The following CHRDL1 variants were observed in gnomAD, a reference collection of about 807,000 sequenced individuals.
CHRDL1 encodes chordin-like protein 1.
CHRDL1 carries 19 observed loss-of-function variants against 40.9 expected under a neutral mutation model. That is an observed-to-expected ratio of 0.46 (90% CI 0.32 to 0.68). CHRDL1 has a LOEUF of 0.68. Among genes scored for constraint, CHRDL1 ranks in the 30% least tolerant of loss-of-function variants. The pLI is 0.03. For missense variants in CHRDL1, 329 were observed against 352.1 expected (o/e 0.93, Z 0.53); for synonymous variants, 136 against 123.4 (o/e 1.10, Z -0.68).
chrX:110,727,533 G>A (rs1435197835), intron 4 of CHRDL1, among the ~76,000 whole-genome samples: 1 of 111,610 alleles, frequency 9.0e-6, no homozygotes, highest in East Asian at 2.8e-4. Flanking sequence ...AAATTGACAA[G>A]AAACAGATTC....
In CHRDL1 at chrX:110,739,442, T is replaced by C. The variant is rs551721472; in HGVS notation, c.302-17912A>G. Among the ~76,000 whole-genome samples, 52 of 111,940 alleles carry C rather than the reference T, an allele frequency of 4.6e-4. 2 individuals are homozygous for C. The highest frequency in any genetic ancestry group is 1.5e-3 in the African/African-American group (46 of 30,824). On this transcript the variant is annotated intron_variant, in intron 4 of 11. Coordinates refer to ENST00000372042, the MANE Select transcript of CHRDL1 (RefSeq NM_001143981.2). The stretch of plus-strand genomic sequence containing the variant: ...AAACATGCCTTAGAAGACTGACCTA[T>C]AAAACGTCCTGCAAAACTCTCCTTG...
At chrX:110,744,481 A>G (rs1188265997) in intron 4 of CHRDL1, among the ~76,000 whole-genome samples, 1 of 111,217 alleles carries the variant, frequency 9.0e-6, no homozygotes, top group Non-Finnish European at 1.9e-5. Flanking sequence ...ATGTTGCTAT[A>G]CATGAGGACA....
chrX:110,727,041 G>A (rs979779454), intron 4 of CHRDL1, among the ~76,000 whole-genome samples: 3 of 111,644 alleles, frequency 2.7e-5, no homozygotes, highest in Admixed American at 1.9e-4. Context: ...TTCATTGGAG[G>A]GGAAGGCACA....
intron 2 of CHRDL1, among the ~76,000 whole-genome samples, chrX:110,788,498 A>G (rs1392110980): frequency 8.9e-6 from 1 of 112,071 alleles, no homozygotes; most frequent in African/African-American, 3.2e-5. Flanking sequence ...CCCCTGCAAG[A>G]TAAAAAACTT....
intron 4 of CHRDL1, among the ~76,000 whole-genome samples, chrX:110,744,598 T>A (rs964742313): frequency 9.0e-6 from 1 of 111,356 alleles, no homozygotes; most frequent in Non-Finnish European, 1.9e-5. Flanking sequence ...CCCAAATATA[T>A]ACAGTGTAAT....
chrX:110,756,001 G>C (rs1381180524), intron 4 of CHRDL1, among the ~76,000 whole-genome samples: 1 of 111,799 alleles, frequency 8.9e-6, no homozygotes, highest in Admixed American at 9.5e-5. Flanking sequence ...CAGCCACGGT[G>C]TTCAAAGTTC....
chrX:110,697,911 C>G (rs2070432699), intron 7 of CHRDL1, among the ~76,000 whole-genome samples: 2 of 103,707 alleles, frequency 1.9e-5, no homozygotes, highest in South Asian at 9.3e-4. Flanking sequence ...GGCACGAGGA[C>G]CAATTCATGA....
intron 4 of CHRDL1, among the ~76,000 whole-genome samples, chrX:110,742,543 A>G (rs1482832041): frequency 8.9e-6 from 1 of 112,730 alleles, no homozygotes; most frequent in Non-Finnish European, 1.9e-5. Flanking sequence ...TCCAGAGCCT[A>G]TTTTGTGCCT....
In CHRDL1 at chrX:110,690,940, T is replaced by C. The variant is rs1018215312; in HGVS notation, c.779-2137A>G. ...AGAGCAAGCATCTGGCTGGGTGTGG[T>C]GGCTCCTGCCTGTAATCCCAACACT... is the stretch of plus-strand genomic sequence containing the variant. On this transcript the variant is annotated intron_variant, in intron 8 of 11. Transcript: ENST00000372042. Among the ~76,000 whole-genome samples the C allele has an allele frequency of 3.3e-4, 37 of 111,224 alleles. No individual in the cohort carries two copies. The Admixed American group carries it at 3.5e-3, about 10-fold the overall frequency.
At chrX:110,785,171 A>C (rs945481822) in intron 2 of CHRDL1, among the ~76,000 whole-genome samples, 4 of 111,374 alleles carry the variant, frequency 3.6e-5, no homozygotes, top group Non-Finnish European at 7.5e-5. Context: ...TGAACTTCTC[A>C]CAATAGAATC....
chrX:110,688,183 A>G (rs2070065613), intron 9 of CHRDL1, among the ~76,000 whole-genome samples: 1 of 111,661 alleles, frequency 9.0e-6, no homozygotes, highest in African/African-American at 3.3e-5. Flanking sequence ...GGCTTGGATC[A>G]GAACCTGGTC....
At chrX:110,728,191 TG>T (rs775390615) in intron 4 of CHRDL1, among the ~76,000 whole-genome samples, 7 of 109,979 alleles carry the variant, frequency 6.4e-5, no homozygotes, top group Non-Finnish European at 1.1e-4. Flanking sequence ...CTAAAAGTTA[TG>T]GGGGGGAACT....
intron 10 of CHRDL1, 98 bp from the exon 11 acceptor site, chrX:110,679,523 T>C (rs941359786): frequency 8.6e-6 from 5 of 581,509 alleles, no homozygotes; most frequent in Middle Eastern, 4.7e-4. Flanking sequence ...ATTTCATTAC[T>C]AGGGCTTAAG....
At chrX:110,726,568 C>T (rs754793401) in intron 4 of CHRDL1, among the ~76,000 whole-genome samples, 2 of 112,132 alleles carry the variant, frequency 1.8e-5, no homozygotes, top group South Asian at 7.5e-4. Context: ...GACTAAGACA[C>T]CAGCTTTGGC....
chrX:110,711,459 T>C lies in CHRDL1; in HGVS notation c.541+8376A>G, dbSNP rs1304013746. On this transcript the variant is annotated intron_variant, in intron 6 of 11. Transcript: ENST00000372042. ...GTGGGGAGCTGCTAATCAACAGGCA[T>C]AAGGTTTCAGTTATACAAGATGAAT... Among the ~76,000 whole-genome samples the C allele has an allele frequency of 3.6e-5, 4 of 111,713 alleles. No homozygotes were observed. The South Asian group carries it at 1.5e-3, about 42-fold the overall frequency.
intron 2 of CHRDL1, among the ~76,000 whole-genome samples, chrX:110,768,549 A>G (rs1379645073): frequency 9.0e-6 from 1 of 111,014 alleles, no homozygotes; most frequent in African/African-American, 3.3e-5. Flanking sequence ...TGCTGCCAGC[A>G]AGGCCAGAAA....
At chrX:110,687,327 C>A (rs1383473125) in intron 9 of CHRDL1, among the ~76,000 whole-genome samples, 1 of 111,224 alleles carries the variant, frequency 9.0e-6, no homozygotes, top group African/African-American at 3.3e-5. Context: ...AATGCCACAG[C>A]CCAGGCCACA....
chrX:110,727,706 A>G (rs1283134764), intron 4 of CHRDL1, among the ~76,000 whole-genome samples: 4 of 112,447 alleles, frequency 3.6e-5, no homozygotes, highest in Non-Finnish European at 7.5e-5. Flanking sequence ...AGAAAAATCC[A>G]AAAGTTTGAA....
chrX:110,692,817 T>G (rs1164957677), intron 8 of CHRDL1, among the ~76,000 whole-genome samples: 1 of 112,521 alleles, frequency 8.9e-6, no homozygotes, highest in Non-Finnish European at 1.9e-5. Context: ...TTTTTTTATC[T>G]GTAATCTGAA....
Sources: gnomAD v4.1 joint callset for allele counts (sites outside exome capture counted in the v4.1 genomes callset) on GRCh38, gnomAD v4.1.1 for gene constraint, MANE v1.5 for transcripts, NCBI Gene and HGNC (gene_info 2026-07-23, HGNC 2026-07-21) for gene names.